Variants in LIMS2 observed in about 807,000 individuals in gnomAD.
LIMS2 encodes the protein LIM and senescent cell antigen-like-containing domain protein 2.
Under a neutral mutation model 45.3 loss-of-function variants are expected in LIMS2, and 30 were observed. The ratio of observed to expected loss-of-function variants is 0.66; its 90% CI spans 0.50 to 0.90. LIMS2 has a LOEUF of 0.90. Ranked by LOEUF, LIMS2 falls within the 40% of genes least tolerant of loss-of-function variation. LIMS2 has a pLI of 0.00. For missense variants in LIMS2, 485 were observed against 468.7 expected, an observed-to-expected ratio of 1.03 and a Z score of -0.32; for synonymous variants, 173 against 188.0, an observed-to-expected ratio of 0.92 and a Z score of 0.65.
Position 127,638,983 on chromosome 2 carries a change from C to T in LIMS2, c.*298G>A, listed in dbSNP as rs1278605723. ...GCGGGGAGCTGTGGTGCAATTTGCTCCTGTCCCTGGAGGTCTGTGGGCGGA... is the reference window on the plus strand; with the variant it reads ...GCGGGGAGCTGTGGTGCAATTTGCTTCTGTCCCTGGAGGTCTGTGGGCGGA... On this transcript the variant is annotated 3_prime_UTR_variant, in exon 10 of 10. Coordinates refer to ENST00000355119, the MANE Select transcript of LIMS2 (RefSeq NM_001161403.3). 1.1e-5 allele frequency: 4 copies of T among 380,284 alleles called. No individual in the cohort carries two copies. Among genetic ancestry groups the T allele is most frequent in the Non-Finnish European group, 1.9e-5 (4 of 208,172 alleles). The allele number at this position is 380,284 out of a possible 1,614,324, so 23.6% of individuals were successfully genotyped here.
At chr2:127,676,168 G>A (rs147771651), upstream of LIMS2, among the ~76,000 whole-genome samples, 2,167 of 152,360 alleles carry the variant, frequency 0.014, 65 homozygotes, top group African/African-American at 0.05. Context: ...AAGCAGCCCA[G>A]ATGTCACACT....
At chr2:127,657,353 G>A in intron 2 of LIMS2, 50 bp downstream of exon 2, 1 of 1,609,744 alleles carries the variant, frequency 6.2e-7, no homozygotes, top group South Asian at 1.1e-5. Flanking sequence ...CCCGCTCATA[G>A]AGGGCAGACT....
At chr2:127,677,506 C>T (rs191827548), upstream of LIMS2, among the ~76,000 whole-genome samples, 167 of 152,030 alleles carry the variant, frequency 1.1e-3, 1 homozygote, top group African/African-American at 3.8e-3. The surrounding 1 kb of genome is among the most constrained non-coding windows in gnomAD (Gnocchi z 5.0). Context: ...AAAAGCATTC[C>T]GGCAGAACAG....
In LIMS2 at chr2:127,667,301, A is replaced by G. The variant is rs1410649553; in HGVS notation, c.11+7713T>C. On this transcript the variant is annotated intron_variant, in intron 1 of 9. Transcript: ENST00000355119. This position sits in a 1 kb window ranked among gnomAD's most constrained non-coding sequence, Gnocchi z 4.1. ...GTGAGATCTTGTCTCAAAAAGAGAA[A>G]AAAACAAAAAACAAAAAACAACAAA... Among the ~76,000 whole-genome samples, 1 of 152,148 alleles carries G rather than the reference A, an allele frequency of 6.6e-6. No individual in the cohort carries two copies. The highest frequency in any genetic ancestry group is 1.9e-4 in the East Asian group (1 of 5,200).
Position 127,642,064 on chromosome 2 carries a change from C to T in LIMS2, c.645G>A (p.Lys215=), listed in dbSNP as rs1288417235. ...CCTGGCTCACCTCCACGTGCCACTG[C>T]TTGCCCAGCGCGTTGACCACTCGGC... is the stretch of plus-strand genomic sequence containing the variant. ...IEGRVVNALG[K]QWHVEHFVCA... is the part of the protein sequence containing the mutation. Residue 215 remains lysine, a synonymous_variant, in exon 6 of 10, where the codon AAG becomes AAA. Coordinates refer to ENST00000355119, the MANE Select transcript of LIMS2 (RefSeq NM_001161403.3). This position sits in a 1 kb window ranked among gnomAD's most constrained non-coding sequence, Gnocchi z 5.3. 3 of 1,611,286 alleles carry T rather than the reference C, an allele frequency of 1.9e-6. No individual in the cohort carries two copies. Among genetic ancestry groups the T allele is most frequent in the Non-Finnish European group, 2.5e-6 (3 of 1,179,148 alleles).
chr2:127,640,366 A>G (rs1298198328), intron 7 of LIMS2, 48 bp from the exon 8 acceptor site: 2 of 1,594,392 alleles, frequency 1.3e-6, no homozygotes, highest in African/African-American at 1.3e-5. Flanking sequence ...GTCACACCCC[A>G]GCCCAGGGCC....
At position 127,642,234 on chromosome 2, in the gene LIMS2, C is replaced by A; in HGVS notation, c.510-35G>T. The A allele has an allele frequency of 6.8e-7, 1 of 1,478,052 alleles. No homozygotes were observed. The highest frequency in any genetic ancestry group is 2.5e-5 in the East Asian group (1 of 39,502). The allele number at this position is 1,478,052 out of a possible 1,614,324, so 91.6% of individuals were successfully genotyped here. On this transcript the variant is annotated intron_variant, in intron 5 of 9. Coordinates refer to ENST00000355119, the MANE Select transcript of LIMS2 (RefSeq NM_001161403.3). This position sits in a 1 kb window ranked among gnomAD's most constrained non-coding sequence, Gnocchi z 5.3. ...AGCGTGCAGCCCCCAGGTGCCACCCCTGCCCTTCTGCAGGGTCATGCCAGC... is the reference window on the plus strand; with the variant it reads ...AGCGTGCAGCCCCCAGGTGCCACCCATGCCCTTCTGCAGGGTCATGCCAGC...
In LIMS2 at chr2:127,664,671, G is replaced by C. The variant is rs770923193; in HGVS notation, c.12-7109C>G. The C allele has an allele frequency of 2.4e-4, 247 of 1,014,304 alleles. No homozygotes were observed. The highest frequency in any genetic ancestry group is 2.9e-4 in the Non-Finnish European group (241 of 836,272). 62.8% of individuals were successfully genotyped at this position (1,014,304 alleles called of 1,614,324 possible). A position where few individuals can be genotyped will look rare whatever the true frequency, so the allele number is the denominator to read the frequency against. On this transcript the variant is annotated intron_variant, in intron 1 of 9. Coordinates refer to ENST00000355119, the MANE Select transcript of LIMS2 (RefSeq NM_001161403.3). The surrounding 1 kb of genome is among the most constrained non-coding windows in gnomAD (Gnocchi z 5.5). ...GTCCCGCTGGGAGGGGACTGGTCTG[G>C]GAAGGCCCCAGACAGCACTGAGGTG...
chr2:127,648,302 TA>T, intron 4 of LIMS2: 1 of 542,076 alleles, frequency 1.8e-6, no homozygotes, highest in Non-Finnish European at 2.4e-6. Context: ...GGAACCTGCC[TA>T]GAGAAATAGC....
Position 127,673,648 on chromosome 2 carries a change from C to T in LIMS2, c.11+1366G>A, listed in dbSNP as rs1386433194. 3 of 1,549,740 alleles carry T rather than the reference C, an allele frequency of 1.9e-6. No homozygotes were observed. The Admixed American group carries it at 5.9e-5, about 30-fold the overall frequency. Reference sequence around the variant, plus strand: ...GGCTCTGTTCTCCTCGACATCCCTCCTGTGCCTGAAGGAACCGCCTCTCAC... The same window carrying T: ...GGCTCTGTTCTCCTCGACATCCCTCTTGTGCCTGAAGGAACCGCCTCTCAC... On this transcript the variant is annotated intron_variant, in intron 1 of 9. Coordinates refer to ENST00000355119, the MANE Select transcript of LIMS2 (RefSeq NM_001161403.3).
Position 127,675,048 on chromosome 2 carries a change from G to C in LIMS2, c.-24C>G. On this transcript the variant is annotated 5_prime_UTR_variant, in exon 1 of 10. Coordinates refer to ENST00000355119, the MANE Select transcript of LIMS2 (RefSeq NM_001161403.3). ...ATGGTGGCAGCGACGCCGAGCCCTG[G>C]GTTGCCGGGGTTGCCGCGGGTCTCC... 1 of 1,025,784 alleles carries C rather than the reference G, an allele frequency of 9.7e-7. No individual in the cohort carries two copies. The highest frequency in any genetic ancestry group is 1.2e-6 in the Non-Finnish European group (1 of 808,638). 63.5% of individuals were successfully genotyped at this position (1,025,784 alleles called of 1,614,324 possible).
chr2:127,639,316 C>T lies in LIMS2; in HGVS notation c.991G>A (p.Ala331Thr). 1 of 1,613,920 alleles carries T rather than the reference C, an allele frequency of 6.2e-7. No homozygotes were observed. The highest frequency in any genetic ancestry group is 8.5e-7 in the Non-Finnish European group (1 of 1,179,926). Residue 331 changes from alanine to threonine, a missense_variant, in exon 10 of 10, where the codon GCC (alanine) becomes ACC (threonine). By Grantham distance (58) the Ala-to-Thr change is moderately conservative. Coordinates refer to ENST00000355119, the MANE Select transcript of LIMS2 (RefSeq NM_001161403.3). The stretch of plus-strand genomic sequence containing the variant: ...TTGAGGTCTGTGGCCTTGGGCTGGG[C>T]CTTGCGGGAGGTCAGCTCCGACAGC... Reference protein sequence around the residue: ...KKLSELTSRKAQPKATDLNSA With the variant: ...KKLSELTSRKTQPKATDLNSA
Position 127,657,384 on chromosome 2 carries a change from C to A in LIMS2, c.171+19G>T, listed in dbSNP as rs1434389993. The A allele has an allele frequency of 6.2e-7, 1 of 1,613,532 alleles. No homozygotes were observed. Among genetic ancestry groups the A allele is most frequent in the Non-Finnish European group, 8.5e-7 (1 of 1,179,926 alleles). Reference sequence around the variant, plus strand: ...AGACTCCGAGCTGGGTCTGAGAAAGCCCTCAGTAGTGTCCTCACCTCATAG... The same window carrying A: ...AGACTCCGAGCTGGGTCTGAGAAAGACCTCAGTAGTGTCCTCACCTCATAG... On this transcript the variant is annotated intron_variant, in intron 2 of 9. Transcript: ENST00000355119.
chr2:127,639,210 G>A lies in LIMS2; in HGVS notation c.*71C>T, dbSNP rs1359152174. 4.0e-5 allele frequency: 61 copies of A among 1,539,520 alleles called. No homozygotes were observed. Among genetic ancestry groups the A allele is most frequent in the Admixed American group, 2.1e-4 (12 of 56,472 alleles). On this transcript the variant is annotated 3_prime_UTR_variant, in exon 10 of 10. Transcript: ENST00000355119. ...GCGGAGGGCACAGGTGGATGGGGAC[G>A]AGGGGGCCAAGCATGGACAGCAGGA...
chr2:127,642,074 GCGTTGACCACTCGGCCCT>G lies in LIMS2; in HGVS notation c.617_634del (p.Glu206_Asn211del). On this transcript the variant is annotated inframe_deletion, in exon 6 of 10. Transcript: ENST00000355119. This position sits in a 1 kb window ranked among gnomAD's most constrained non-coding sequence, Gnocchi z 5.3. Reference sequence around the variant, plus strand: ...CTCCACGTGCCACTGCTTGCCCAGCGCGTTGACCACTCGGCCCTCGATGGGCCGGCGGCAGGCCCCGCA... The same window carrying G: ...CTCCACGTGCCACTGCTTGCCCAGCGCGATGGGCCGGCGGCAGGCCCCGCA... 6.2e-7 allele frequency: 1 copy of G among 1,611,120 alleles called. No individual in the cohort carries two copies. Among genetic ancestry groups the G allele is most frequent in the Non-Finnish European group, 8.5e-7 (1 of 1,179,006 alleles).
upstream of LIMS2, among the ~76,000 whole-genome samples, chr2:127,676,680 G>A (rs969401242): frequency 6.6e-6 from 1 of 152,148 alleles, no homozygotes; most frequent in African/African-American, 2.4e-5. Context: ...ACTTCTTGTT[G>A]CGAGCGTGTC....
rs917954511 is a variant in LIMS2, at chr2:127,642,485, G to T, written c.510-286C>A. On this transcript the variant is annotated intron_variant, in intron 5 of 9. Coordinates refer to ENST00000355119, the MANE Select transcript of LIMS2 (RefSeq NM_001161403.3). This position sits in a 1 kb window ranked among gnomAD's most constrained non-coding sequence, Gnocchi z 5.3. ...GCCCCCCTCCTCCTCCAAACCAGAG[G>T]GGGTGTCTGGATAGGCACGGAGAGG... The T allele has an allele frequency of 2.5e-6, 1 of 400,658 alleles. No individual in the cohort carries two copies. The highest frequency in any genetic ancestry group is 4.5e-6 in the Non-Finnish European group (1 of 224,130). 24.8% of individuals were successfully genotyped at this position (400,658 alleles called of 1,614,324 possible). A position where few individuals can be genotyped will look rare whatever the true frequency, so the allele number is the denominator to read the frequency against.
chr2:127,657,645 C>T, intron 1 of LIMS2, 83 bp from the exon 2 acceptor site: 1 of 1,374,584 alleles, frequency 7.3e-7, no homozygotes, highest in Non-Finnish European at 9.9e-7. Context: ...GCCCGACAGA[C>T]ACACCTCGTA....
At chr2:127,650,191 C>A in intron 4 of LIMS2, 3 of 913,798 alleles carry the variant, frequency 3.3e-6, no homozygotes, top group Non-Finnish European at 3.4e-6. Flanking sequence ...AAAGCGGTGA[C>A]ACCCCGGCCA....
Sources: allele counts gnomAD v4.1 joint callset (sites outside exome capture counted in the v4.1 genomes callset), GRCh38; gene constraint gnomAD v4.1.1; non-coding constraint Gnocchi (gnomAD v3.1); transcripts MANE v1.5; gene names NCBI Gene and HGNC (gene_info 2026-07-23, HGNC 2026-07-21).